Variants in EFCAB10 observed in about 807,000 individuals in gnomAD.
EFCAB10 encodes EF-hand calcium binding domain 10.
In EFCAB10, 7 loss-of-function variants were observed where a neutral mutation model predicts 7.7. The observed-to-expected ratio is 0.91, with a 90% CI of 0.52 to 1.72. EFCAB10 has a LOEUF of 1.72. Ranked by LOEUF, EFCAB10 falls within the 40% of genes most tolerant of loss-of-function variation. The pLI is 0.00. For missense variants in EFCAB10, 112 were observed against 61.5 expected, an observed-to-expected ratio of 1.82 and a Z score of -2.74; for synonymous variants, 52 against 21.0, an observed-to-expected ratio of 2.47 and a Z score of -4.03.
chr7:105,576,635 G>T (rs1292788751), intron 1 of EFCAB10, among the ~76,000 whole-genome samples: 1 of 152,054 alleles, frequency 6.6e-6, no homozygotes, highest in Non-Finnish European at 1.5e-5. Context: ...TAGTAGAGAT[G>T]GAGTTTCACT....
At chr7:105,574,677 G>A (rs956356048) in intron 1 of EFCAB10, among the ~76,000 whole-genome samples, 2 of 151,796 alleles carry the variant, frequency 1.3e-5, no homozygotes, top group African/African-American at 4.8e-5. Flanking sequence ...TAATAGAGGG[G>A]TTTCACCGTG....
intron 1 of EFCAB10, among the ~76,000 whole-genome samples, chr7:105,579,702 C>T (rs1458106151): frequency 6.6e-6 from 1 of 152,102 alleles, no homozygotes; most frequent in Non-Finnish European, 1.5e-5. Context: ...AAGCTAGTAT[C>T]TAACCTAGAG....
chr7:105,573,069 T>C (rs540783884), intron 1 of EFCAB10: 159 of 151,890 alleles, frequency 1.0e-3, no homozygotes, highest in Non-Finnish European at 1.9e-3. Flanking sequence ...ATCAGACATA[T>C]AGTTTGCAAA....
intron 1 of EFCAB10, among the ~76,000 whole-genome samples, chr7:105,575,766 G>A (rs769746062): frequency 9.2e-5 from 14 of 152,194 alleles, no homozygotes; most frequent in East Asian, 3.9e-4. Context: ...AGCTGGGTGC[G>A]GTGGCTCATG....
At chr7:105,570,576 A>G (rs1490365905) in intron 1 of EFCAB10, among the ~76,000 whole-genome samples, 1 of 146,760 alleles carries the variant, frequency 6.8e-6, no homozygotes, top group Non-Finnish European at 1.5e-5. Flanking sequence ...TTACTCTTAC[A>G]TTTTTTTTTT....
In EFCAB10 at chr7:105,580,487, T is replaced by C. The variant is rs187037612; in HGVS notation, c.106+871A>G. ...GCTCCTGGCCTATTTTTTATTTTTA[T>C]TTTTATTTTTGAGATAGGATCTCGC... On this transcript the variant is annotated intron_variant, in intron 1 of 4. Coordinates refer to ENST00000480514, the MANE Select transcript of EFCAB10 (RefSeq NM_001355526.2). Among the ~76,000 whole-genome samples the C allele has an allele frequency of 5.0e-3, 767 of 152,256 alleles. 16 individuals carry two copies. Among genetic ancestry groups the C allele is most frequent in the Non-Finnish European group, 4.6e-3 (312 of 68,020 alleles).
At chr7:105,567,519 A>G (rs781641468) in intron 3 of EFCAB10, 29 bp from the exon 4 acceptor site, 1 of 689,232 alleles carries the variant, frequency 1.5e-6, no homozygotes, top group East Asian at 2.7e-5. Context: ...AAAACGAAAC[A>G]ATGAAAACTC....
At position 105,565,442 on chromosome 7, in the gene EFCAB10, A is replaced by T. The variant is rs1456229241; in HGVS notation, c.*5T>A. 2 of 1,614,108 alleles carry T rather than the reference A, an allele frequency of 1.2e-6. No homozygotes were observed. Among genetic ancestry groups the T allele is most frequent in the Non-Finnish European group, 1.7e-6 (2 of 1,179,962 alleles). On this transcript the variant is annotated 3_prime_UTR_variant, in exon 5 of 5. Coordinates refer to ENST00000480514, the MANE Select transcript of EFCAB10 (RefSeq NM_001355526.2). Reference sequence around the variant, plus strand: ...AAATGCTTGTAGAGAAGCTGGATGTATACATCTACCAAGAAGTAAGTAAGA... The same window carrying T: ...AAATGCTTGTAGAGAAGCTGGATGTTTACATCTACCAAGAAGTAAGTAAGA...
chr7:105,580,270 G>A (rs1792190483), intron 1 of EFCAB10, among the ~76,000 whole-genome samples: 1 of 152,116 alleles, frequency 6.6e-6, no homozygotes, highest in South Asian at 2.1e-4. Flanking sequence ...TTATAGGCGT[G>A]AGTCACCGCC....
chr7:105,575,537 C>T (rs1297949636), intron 1 of EFCAB10, among the ~76,000 whole-genome samples: 16 of 152,060 alleles, frequency 1.1e-4, no homozygotes, highest in Non-Finnish European at 1.5e-5. Context: ...GTTTTTCCTA[C>T]CAAATTATTT....
At chr7:105,576,389 G>T (rs1792078965) in intron 1 of EFCAB10, among the ~76,000 whole-genome samples, 1 of 151,986 alleles carries the variant, frequency 6.6e-6, no homozygotes, top group Middle Eastern at 3.2e-3. Context: ...CTGTACCTAT[G>T]GTTTCCTCTC....
intron 1 of EFCAB10, among the ~76,000 whole-genome samples, chr7:105,580,211 CT>C (rs1792189144): frequency 2.6e-5 from 4 of 152,176 alleles, no homozygotes; most frequent in Middle Eastern, 6.8e-3. Context: ...GGTCTATGAA[CT>C]CCTGAAGTCA....
intron 1 of EFCAB10, chr7:105,571,441 T>G (rs930819666): frequency 1.3e-5 from 2 of 152,154 alleles, no homozygotes; most frequent in African/African-American, 4.8e-5. Flanking sequence ...GAAACGTAGT[T>G]CTACAGTATC....
intron 3 of EFCAB10, chr7:105,567,767 C>T: frequency 2.8e-6 from 1 of 352,632 alleles, no homozygotes; most frequent in Non-Finnish European, 5.2e-6. Flanking sequence ...CACAGTGTCT[C>T]ATGCCTGTAA....
intron 4 of EFCAB10, chr7:105,565,781 C>G: frequency 1.6e-6 from 1 of 627,612 alleles, no homozygotes; most frequent in South Asian, 2.0e-5. Flanking sequence ...TGTCTATCTA[C>G]TGTATGCTTA....
chr7:105,581,291 G>T, intron 1 of EFCAB10, 67 bp downstream of exon 1: 1 of 688,862 alleles, frequency 1.5e-6, no homozygotes, highest in Non-Finnish European at 2.7e-6. Flanking sequence ...TGTGTAAGAG[G>T]GGGGTTTCGT....
At chr7:105,572,288 A>G (rs1791971116) in intron 1 of EFCAB10, 1 of 152,154 alleles carries the variant, frequency 6.6e-6, no homozygotes, top group African/African-American at 2.4e-5. Flanking sequence ...TATAATTAAG[A>G]TCATGAGGTA....
chr7:105,577,182 C>T (rs1384981353), intron 1 of EFCAB10, among the ~76,000 whole-genome samples: 1 of 152,112 alleles, frequency 6.6e-6, no homozygotes, highest in Admixed American at 6.6e-5. Context: ...TTGTCTTTAT[C>T]TGCTTAGGTT....
At chr7:105,565,486 G>A (rs1401025287) in intron 4 of EFCAB10, 39 bp from the exon 5 acceptor site, 1 of 1,610,616 alleles carries the variant, frequency 6.2e-7, no homozygotes, top group African/African-American at 1.3e-5. Context: ...TTTTTGGGCT[G>A]TGATAATAAA....
Sources: gnomAD v4.1 joint callset for allele counts (sites outside exome capture counted in the v4.1 genomes callset) on GRCh38, gnomAD v4.1.1 for gene constraint, MANE v1.5 for transcripts, NCBI Gene and HGNC (gene_info 2026-07-23, HGNC 2026-07-21) for gene names.